SPAM1: variants seen among roughly 807,000 people sequenced by gnomAD.
The protein encoded by SPAM1 is hyaluronidase PH-20.
Under a neutral mutation model 29.6 loss-of-function variants are expected in SPAM1, and 22 were observed. That is an observed-to-expected ratio of 0.74 (90% CI 0.53 to 1.06). The LOEUF is 1.06. Ranked by LOEUF, SPAM1 falls within the 50% of genes least tolerant of loss-of-function variation. The pLI is 0.00. For synonymous variants in SPAM1, 194 were observed against 204.6 expected, an observed-to-expected ratio of 0.95 and a Z score of 0.44; for missense variants, 534 against 604.0, an observed-to-expected ratio of 0.88 and a Z score of 1.21.
chr7:123,967,625 C>T (rs1359504973), intron 5 of SPAM1, among the ~76,000 whole-genome samples: 10 of 151,386 alleles, frequency 6.6e-5, no homozygotes, highest in African/African-American at 2.4e-4. Flanking sequence ...TGGGTGTATG[C>T]ATGTGTGTGT....
rs770631061 is a variant in SPAM1 at position 123,959,500 on chromosome 7, T to C, written c.1061T>C (p.Leu354Pro). The change falls in exon 5 of 5, where the codon CTA (leucine) becomes CCA (proline). Residue 354 changes from leucine (L) to proline (P), a missense_variant. By Grantham distance (98) the Leu-to-Pro change is moderately conservative. Coordinates refer to ENST00000682466, the MANE Select transcript of SPAM1 (RefSeq NM_153189.3). ...ATTTTACAGAAATCTTGCTTGCTCC[T>C]AGACAATTACATGGAGACTATACTG... ...IMRSMKSCLL[L>P]DNYMETILNP... 1.2e-6 allele frequency: 2 copies of C among 1,602,174 alleles called. No homozygotes were observed. The highest frequency in any genetic ancestry group is 1.7e-6 in the Non-Finnish European group (2 of 1,173,714).
At chr7:123,962,975 A>G (rs1450003443), downstream of SPAM1, among the ~76,000 whole-genome samples, 3 of 151,874 alleles carry the variant, frequency 2.0e-5, no homozygotes, top group Non-Finnish European at 2.9e-5. Flanking sequence ...ACATCATGCC[A>G]TGATACCACT....
intron 3 of SPAM1, 104 bp downstream of exon 3, chr7:123,954,628 A>T (rs1199916199): frequency 5.3e-6 from 4 of 756,640 alleles, no homozygotes; most frequent in Non-Finnish European, 8.3e-6. Flanking sequence ...TTTTAATATT[A>T]GTCAGGAATG....
chr7:123,942,871 T>A (rs1190070153), intron 1 of SPAM1, among the ~76,000 whole-genome samples: 2 of 152,308 alleles, frequency 1.3e-5, no homozygotes, highest in East Asian at 3.9e-4. Flanking sequence ...TAAAAAACCT[T>A]GGTAAAATAA....
At chr7:123,947,055 A>C (rs1279448998) in intron 1 of SPAM1, among the ~76,000 whole-genome samples, 3 of 152,184 alleles carry the variant, frequency 2.0e-5, no homozygotes, top group Admixed American at 2.0e-4. Context: ...AAAACTCATA[A>C]AAGTAGTATT....
At position 123,953,605 on chromosome 7, in the gene SPAM1, G is replaced by A. The variant is rs1792168616; in HGVS notation, c.35G>A (p.Arg12Lys). The A allele has an allele frequency of 1.3e-6, 2 of 1,597,692 alleles. No homozygotes were observed. The highest frequency in any genetic ancestry group is 1.1e-5 in the South Asian group (1 of 87,696). Reference protein sequence around the residue: ...GVLKFKHIFFRSFVKSSGVSQ... With the variant: ...GVLKFKHIFFKSFVKSSGVSQ... ...CTAAAATTCAAGCACATCTTTTTCA[G>A]AAGCTTTGTTAAATCAAGTGGAGTA... The change falls in exon 3 of 5, where the codon AGA (arginine) becomes AAA (lysine). Residue 12 changes from arginine to lysine, a missense_variant. Coordinates refer to ENST00000682466, the MANE Select transcript of SPAM1 (RefSeq NM_153189.3).
In SPAM1 at chr7:123,959,597, G is replaced by C. The variant is rs900341495; in HGVS notation, c.1158G>C (p.Val386=). The change falls in exon 5 of 5, where the codon GTG becomes GTC. Residue 386 remains valine (V), a synonymous_variant. Transcript: ENST00000682466. ...CSQVLCQEQG[V]CIRKNWNSSD... ...AAGTGCTTTGCCAGGAGCAAGGAGT[G>C]TGTATAAGGAAAAACTGGAATTCAA... 3.1e-6 allele frequency: 5 copies of C among 1,613,062 alleles called. No homozygotes were observed. Among genetic ancestry groups the C allele is most frequent in the Non-Finnish European group, 4.2e-6 (5 of 1,179,524 alleles).
chr7:123,959,412 ATACAC>A, intron 4 of SPAM1, 67 bp from the exon 5 acceptor site: 1 of 1,097,208 alleles, frequency 9.1e-7, no homozygotes, highest in Non-Finnish European at 1.3e-6. Context: ...AAATTGCTTA[ATACAC>A]TAAATTAATT....
intron 6 of SPAM1, among the ~76,000 whole-genome samples, chr7:123,970,498 G>A (rs1004878602): frequency 1.3e-5 from 2 of 151,790 alleles, no homozygotes; most frequent in African/African-American, 4.8e-5. Context: ...GCTAATGCTT[G>A]TTATCCCAGA....
In SPAM1 at chr7:123,953,497, A is replaced by T; in HGVS notation, c.-74A>T. On this transcript the variant is annotated 5_prime_UTR_variant, in exon 3 of 5. Coordinates refer to ENST00000682466, the MANE Select transcript of SPAM1 (RefSeq NM_153189.3). ...TCCATTCCCTTTCATCTGTGCTCAT[A>T]CTTTGCATCAGATATTGGGTAAACC... 1 of 817,454 alleles carries T rather than the reference A, an allele frequency of 1.2e-6. No individual in the cohort carries two copies. Among genetic ancestry groups the T allele is most frequent in the Non-Finnish European group, 1.9e-6 (1 of 517,728 alleles). The allele number at this position is 817,454 out of a possible 1,614,324, so 50.6% of individuals were successfully genotyped here. A position where few individuals can be genotyped will look rare whatever the true frequency, so the allele number is the denominator to read the frequency against.
At chr7:123,969,375 T>G (rs754056415) in intron 5 of SPAM1, among the ~76,000 whole-genome samples, 1 of 152,074 alleles carries the variant, frequency 6.6e-6, no homozygotes, top group Non-Finnish European at 1.5e-5. Flanking sequence ...GCCAATGTAG[T>G]GAAGCATTTC....
intron 5 of SPAM1, among the ~76,000 whole-genome samples, chr7:123,968,394 T>C (rs1425786937): frequency 6.6e-6 from 1 of 152,032 alleles, no homozygotes; most frequent in Non-Finnish European, 1.5e-5. Flanking sequence ...TTATGGAGAA[T>C]TGCTTTTGGT....
intron 1 of SPAM1, among the ~76,000 whole-genome samples, chr7:123,945,338 G>T (rs1321021523): frequency 6.6e-6 from 1 of 152,004 alleles, no homozygotes; most frequent in Admixed American, 6.6e-5. Context: ...TCTTCAGAAT[G>T]CACCTCTGAA....
chr7:123,935,901 T>G (rs947443451), intron 1 of SPAM1, among the ~76,000 whole-genome samples: 1 of 152,194 alleles, frequency 6.6e-6, no homozygotes, highest in African/African-American at 2.4e-5. Context: ...TTCTACACTA[T>G]TATAGTCTAT....
chr7:123,945,568 G>A (rs1012054461), intron 1 of SPAM1, among the ~76,000 whole-genome samples: 7 of 152,130 alleles, frequency 4.6e-5, no homozygotes, highest in Admixed American at 1.3e-4. Context: ...TTAGACCTAA[G>A]AAGAATCTGC....
At position 123,970,367 on chromosome 7, in the gene SPAM1, C is replaced by T. The variant is rs902809110; in HGVS notation, c.*48+71C>T. Reference sequence around the variant, plus strand: ...CTTGTTTCTTCCCCTTATAAGGACACCAGTCATGTTGGATTGGAGAATACT... The same window carrying T: ...CTTGTTTCTTCCCCTTATAAGGACATCAGTCATGTTGGATTGGAGAATACT... On this transcript the variant is annotated intron_variant, in intron 6 of 6. Transcript: ENST00000340011. 9.7e-6 allele frequency: 11 copies of T among 1,129,328 alleles called. No homozygotes were observed. The African/African-American group carries it at 1.7e-4, about 18-fold the overall frequency. The allele number at this position is 1,129,328 out of a possible 1,614,324, so 70.0% of individuals were successfully genotyped here.
At chr7:123,928,543 G>A (rs1339419251) in intron 1 of SPAM1, among the ~76,000 whole-genome samples, 1 of 152,220 alleles carries the variant, frequency 6.6e-6, no homozygotes, top group Non-Finnish European at 1.5e-5. Context: ...GGCCTAAGAT[G>A]TAGGCGACGA....
intron 5 of SPAM1, among the ~76,000 whole-genome samples, chr7:123,969,670 A>G (rs1232437541): frequency 6.6e-6 from 1 of 151,720 alleles, no homozygotes; most frequent in Non-Finnish European, 1.5e-5. Flanking sequence ...TACCAATACC[A>G]TGCTCTCTCT....
chr7:123,954,220 GTTA>G lies in SPAM1; in HGVS notation c.655_657del (p.Tyr219del). On this transcript the variant is annotated inframe_deletion, in exon 3 of 5. Coordinates refer to ENST00000682466, the MANE Select transcript of SPAM1 (RefSeq NM_153189.3). ...TTACTTCGGCCAAATCACTTGTGGG[GTTA>G]TTATCTTTTTCCGGATTGTTACAAC... is the stretch of plus-strand genomic sequence containing the variant. 9.3e-6 allele frequency: 15 copies of G among 1,613,506 alleles called. No homozygotes were observed. The highest frequency in any genetic ancestry group is 1.3e-5 in the Non-Finnish European group (15 of 1,179,726).
Sources: allele counts gnomAD v4.1 joint callset (sites outside exome capture counted in the v4.1 genomes callset), GRCh38; gene constraint gnomAD v4.1.1; transcripts MANE v1.5; gene names NCBI Gene and HGNC (gene_info 2026-07-23, HGNC 2026-07-21).